The following DPP10 variants were observed in gnomAD, a reference collection of about 807,000 sequenced individuals.
DPP10 encodes dipeptidyl peptidase like 10, also known as inactive dipeptidyl peptidase 10.
DPP10 carries 33 observed loss-of-function variants against 120.9 expected under a neutral mutation model. That is an observed-to-expected ratio of 0.27 (90% CI 0.21 to 0.37). The LOEUF (loss-of-function observed/expected upper bound fraction) is 0.37. Ranked by LOEUF, DPP10 falls within the 10% of genes least tolerant of loss-of-function variation. The pLI, the probability that DPP10 is intolerant of heterozygous loss-of-function variation, is 1.00. For synonymous variants in DPP10, 337 were observed against 326.1 expected (o/e 1.03, Z -0.36); for missense variants, 816 against 942.8 (o/e 0.87, Z 1.76).
chr2:114,829,388 A>ATT (rs869157627), intron 1 of DPP10, among the ~76,000 whole-genome samples: 1 of 137,896 alleles, frequency 7.3e-6, no homozygotes, highest in Non-Finnish European at 1.6e-5. Flanking sequence ...TTTTTTTTTA[A>ATT]TTTTTTTTTT....
In DPP10 at chr2:114,970,441, G is replaced by A. The variant is rs148242243; in HGVS notation, c.61-338798G>A. Among the ~76,000 whole-genome samples the A allele has an allele frequency of 3.2e-3, 485 of 151,978 alleles. 2 individuals carry two copies. The highest frequency in any genetic ancestry group is 0.01 in the Middle Eastern group (3 of 294). On this transcript the variant is annotated intron_variant, in intron 1 of 25. Coordinates refer to ENST00000410059, the MANE Select transcript of DPP10 (RefSeq NM_020868.6). Reference sequence around the variant, plus strand: ...TGTATTGGTAGTATTTTTATTTATCGAACTCTTCCAATATGTATTTGATGA... The same window carrying A: ...TGTATTGGTAGTATTTTTATTTATCAAACTCTTCCAATATGTATTTGATGA...
chr2:114,544,194 T>C (rs1395108557), intron 1 of DPP10, among the ~76,000 whole-genome samples: 1 of 152,052 alleles, frequency 6.6e-6, no homozygotes, highest in Non-Finnish European at 1.5e-5. Flanking sequence ...ATGGGAGAGG[T>C]CTATCATTTT....
At chr2:114,854,047 A>G (rs1325015961) in intron 1 of DPP10, among the ~76,000 whole-genome samples, 1 of 152,218 alleles carries the variant, frequency 6.6e-6, no homozygotes, top group African/African-American at 2.4e-5. Context: ...CTTTTCAACT[A>G]TCAAGTTTTG....
At chr2:114,946,596 T>C (rs1697362608) in intron 1 of DPP10, among the ~76,000 whole-genome samples, 6 of 152,166 alleles carry the variant, frequency 3.9e-5, no homozygotes, top group Admixed American at 3.3e-4. Flanking sequence ...CAGTGAATTA[T>C]GTTTTCTGAG....
At chr2:115,525,214 G>C (rs539121476) in intron 4 of DPP10, among the ~76,000 whole-genome samples, 2 of 152,004 alleles carry the variant, frequency 1.3e-5, no homozygotes, top group Admixed American at 1.3e-4. Context: ...CTCTTTAGAC[G>C]TGAATTAGAC....
At chr2:114,573,754 C>A (rs1689836364) in intron 1 of DPP10, among the ~76,000 whole-genome samples, 1 of 152,238 alleles carries the variant, frequency 6.6e-6, no homozygotes, top group South Asian at 2.1e-4. Context: ...AATGCAATAG[C>A]TAATTCTTGA....
At chr2:115,098,025 C>A (rs908673843) in intron 1 of DPP10, among the ~76,000 whole-genome samples, 1 of 152,172 alleles carries the variant, frequency 6.6e-6, no homozygotes, top group South Asian at 2.1e-4. Context: ...ACAGCAGATT[C>A]ATCTTTTTCA....
At chr2:115,672,184 T>G (rs961951935) in intron 5 of DPP10, among the ~76,000 whole-genome samples, 3 of 152,194 alleles carry the variant, frequency 2.0e-5, no homozygotes, top group African/African-American at 7.2e-5. Flanking sequence ...GTTATTCCAT[T>G]ATAGACCTTG....
At chr2:115,037,282 C>T (rs757509634) in intron 1 of DPP10, among the ~76,000 whole-genome samples, 2 of 152,088 alleles carry the variant, frequency 1.3e-5, no homozygotes, top group Admixed American at 6.6e-5. Flanking sequence ...AGAGAAACAA[C>T]GAATATACTA....
At chr2:115,046,786 T>C (rs1705104223) in intron 1 of DPP10, among the ~76,000 whole-genome samples, 1 of 152,080 alleles carries the variant, frequency 6.6e-6, no homozygotes, top group African/African-American at 2.4e-5. Context: ...TTAATAATAT[T>C]ATTTTTCAGT....
chr2:114,474,794 T>C (rs576304158), intron 1 of DPP10, among the ~76,000 whole-genome samples: 28 of 152,174 alleles, frequency 1.8e-4, no homozygotes, highest in Non-Finnish European at 3.8e-4. Flanking sequence ...AGGCATTGGA[T>C]AGATGTTCAA....
At chr2:114,457,397 G>A (rs986996086) in intron 1 of DPP10, among the ~76,000 whole-genome samples, 15 of 152,218 alleles carry the variant, frequency 9.9e-5, no homozygotes, top group East Asian at 3.9e-4. Flanking sequence ...GTGTCCTCTC[G>A]GGAGCAGAAT....
chr2:115,382,087 C>G (rs1453078063), intron 3 of DPP10, among the ~76,000 whole-genome samples: 3 of 151,570 alleles, frequency 2.0e-5, no homozygotes, highest in Admixed American at 2.0e-4. Context: ...CCACCCAGTT[C>G]AGTTGGAGCT....
intron 1 of DPP10, among the ~76,000 whole-genome samples, chr2:114,532,895 T>G (rs1448884032): frequency 6.6e-6 from 1 of 152,136 alleles, no homozygotes; most frequent in Non-Finnish European, 1.5e-5. Flanking sequence ...AGGGATATGA[T>G]CAGGGGTATT....
chr2:114,732,585 G>A (rs1241413599), intron 1 of DPP10, among the ~76,000 whole-genome samples: 2 of 152,164 alleles, frequency 1.3e-5, no homozygotes, highest in Non-Finnish European at 2.9e-5. Flanking sequence ...GTAATTGTGA[G>A]ACAAGTAATA....
chr2:114,664,820 TCCAAAAGATGG>T, intron 1 of DPP10, among the ~76,000 whole-genome samples: 1 of 149,066 alleles, frequency 6.7e-6, no homozygotes, highest in African/African-American at 2.5e-5. Context: ...GCAGAGAGCA[TCCAAAAGATGG>T]CAGAGAGCAT....
intron 1 of DPP10, among the ~76,000 whole-genome samples, chr2:114,934,200 G>A (rs186335933): frequency 1.3e-5 from 2 of 152,204 alleles, no homozygotes; most frequent in East Asian, 3.9e-4. Flanking sequence ...TTAAGGATGT[G>A]AAGTTCAGGC....
intron 1 of DPP10, among the ~76,000 whole-genome samples, chr2:114,629,270 C>T (rs748341791): frequency 6.6e-6 from 1 of 152,186 alleles, no homozygotes. Flanking sequence ...GCTTCTCTGC[C>T]TTCGCTGAAT....
intron 5 of DPP10, among the ~76,000 whole-genome samples, chr2:115,609,143 C>T (rs2083908271): frequency 6.6e-6 from 1 of 152,052 alleles, no homozygotes; most frequent in African/African-American, 2.4e-5. Flanking sequence ...GATGGAATCT[C>T]AGAAAGGGTC....
Sources: gnomAD v4.1 joint callset for allele counts (sites outside exome capture counted in the v4.1 genomes callset) on GRCh38, gnomAD v4.1.1 for gene constraint, MANE v1.5 for transcripts, NCBI Gene and HGNC (gene_info 2026-07-23, HGNC 2026-07-21) for gene names.